SRGAP1: variants seen among roughly 807,000 people sequenced by gnomAD.
SRGAP1 encodes the protein SLIT-ROBO Rho GTPase-activating protein 1.
SRGAP1 carries 43 observed loss-of-function variants against 121.9 expected under a neutral mutation model. The observed-to-expected ratio is 0.35, with a 90% CI of 0.28 to 0.46. SRGAP1 has a LOEUF of 0.46. Ranked by LOEUF, SRGAP1 falls within the 20% of genes least tolerant of loss-of-function variation. The pLI is 1.00. For missense variants in SRGAP1, 1,102 were observed against 1,350.9 expected (o/e 0.82, Z 2.89); for synonymous variants, 447 against 485.4 (o/e 0.92, Z 1.04).
chr12:63,994,998 A>G (rs2033655390), intron 3 of SRGAP1, among the ~76,000 whole-genome samples: 1 of 152,248 alleles, frequency 6.6e-6, no homozygotes, highest in African/African-American at 2.4e-5. Context: ...AGCTTGCAAT[A>G]ATCACTTTAT....
chr12:64,043,573 G>C lies in SRGAP1; in HGVS notation c.799G>C (p.Asp267His). Residue 267 changes from aspartate (D) to histidine (H), a missense_variant and splice_region_variant, in exon 6 of 22, where the codon GAT (aspartate) becomes CAT (histidine). By Grantham distance (81) the Asp-to-His change is moderately conservative (BLOSUM62 -1). This residue lies in a region of SRGAP1 where 747 missense variants were observed against 929.4 expected (regional missense o/e 0.80). Transcript: ENST00000355086. ...YYIHDLSDLI[D>H]CCDLGYHASL... The stretch of plus-strand genomic sequence containing the variant: ...TATTCATGATCTTTCTGATTTAATT[G>C]ATGTGAGTACTTGAAGTTTTTGTCT... 6.3e-7 allele frequency: 1 copy of C among 1,597,412 alleles called. No individual in the cohort carries two copies. The highest frequency in any genetic ancestry group is 8.5e-7 in the Non-Finnish European group (1 of 1,173,784).
intron 6 of SRGAP1, among the ~76,000 whole-genome samples, chr12:64,059,997 T>A (rs1464033887): frequency 6.6e-6 from 1 of 152,018 alleles, no homozygotes. Context: ...CCAAAAGACA[T>A]GGTTGCAGGC....
At chr12:64,058,815 G>GA (rs10716972) in intron 6 of SRGAP1, among the ~76,000 whole-genome samples, 5 of 148,958 alleles carry the variant, frequency 3.4e-5, no homozygotes, top group South Asian at 2.1e-4. Flanking sequence ...TTCTAGTTTA[G>GA]AAAAAAAAAA....
rs1469086329 is a variant in SRGAP1, at chr12:63,983,265, GC to G, written c.68-680del. The G allele has an allele frequency of 3.3e-5, 5 of 152,236 alleles. No homozygotes were observed. The East Asian group carries it at 9.7e-4, about 29-fold the overall frequency. The allele number at this position is 152,236 out of a possible 1,614,324, so 9.4% of individuals were successfully genotyped here. A position where few individuals can be genotyped will look rare whatever the true frequency, so the allele number is the denominator to read the frequency against. On this transcript the variant is annotated intron_variant, in intron 1 of 21. Transcript: ENST00000355086. ...TGGAAGAAATGATGCTTATTTCTTT[GC>G]CATTCAAACTCAAAAGGGATAGCTG...
chr12:64,156,814 A>C lies in SRGAP1; in HGVS notation c.*14142A>C, dbSNP rs1159037142. ...TGCTGCATCACTGCAGTTTAATAGGAGGAGGCTGGTGAAAATGTTACCAAC... is the reference window on the plus strand; with the variant it reads ...TGCTGCATCACTGCAGTTTAATAGGCGGAGGCTGGTGAAAATGTTACCAAC... On this transcript the variant is annotated 3_prime_UTR_variant, in exon 22 of 22. Transcript: ENST00000355086. The C allele has an allele frequency of 6.6e-6, 1 of 152,158 alleles. No homozygotes were observed. The highest frequency in any genetic ancestry group is 2.4e-5 in the African/African-American group (1 of 41,444). The allele number at this position is 152,158 out of a possible 1,614,324, so 9.4% of individuals were successfully genotyped here.
intron 1 of SRGAP1, among the ~76,000 whole-genome samples, chr12:63,867,718 A>G (rs563523670): frequency 1.4e-4 from 22 of 152,248 alleles, no homozygotes; most frequent in African/African-American, 4.8e-4. Context: ...CTATCATAAT[A>G]TTATTTACTA....
In SRGAP1 at chr12:64,042,918, G is replaced by C; in HGVS notation, c.618G>C (p.Glu206Asp). The C allele has an allele frequency of 1.2e-6, 2 of 1,613,914 alleles. No homozygotes were observed. Among genetic ancestry groups the C allele is most frequent in the Non-Finnish European group, 1.7e-6 (2 of 1,179,906 alleles). Reference sequence around the variant, plus strand: ...ATCCAGTCTTCCATATTCGACTAGAGGAGAGACATCAACGGCGAAGCTCTG... The same window carrying C: ...ATCCAGTCTTCCATATTCGACTAGACGAGAGACATCAACGGCGAAGCTCTG... ...SGDPVFHIRL[E>D]ERHQRRSSVK... Residue 206 changes from glutamate (E) to aspartate (D), a missense_variant, in exon 5 of 22, where the codon GAG becomes GAC. By Grantham distance (45) the Glu-to-Asp change is conservative. Transcript: ENST00000355086.
chr12:63,962,733 A>G (rs894155343), intron 1 of SRGAP1, among the ~76,000 whole-genome samples: 1 of 152,074 alleles, frequency 6.6e-6, no homozygotes, highest in Admixed American at 6.6e-5. Context: ...TCTAATTCTC[A>G]TTATACCCTT....
chr12:63,934,790 C>G (rs1470838951), intron 1 of SRGAP1, among the ~76,000 whole-genome samples: 2 of 152,170 alleles, frequency 1.3e-5, no homozygotes. Flanking sequence ...GCCCTTTCCT[C>G]TGGACTTTCA....
intron 15 of SRGAP1, among the ~76,000 whole-genome samples, chr12:64,101,309 GT>G (rs1231186725): frequency 2.2e-4 from 6 of 27,594 alleles, no homozygotes; most frequent in African/African-American, 1.0e-3. Flanking sequence ...GGGGAAAGGG[GT>G]GTGTGTGTGT....
At chr12:64,026,231 TTACTAC>T (rs759866367) in intron 4 of SRGAP1, among the ~76,000 whole-genome samples, 13 of 152,198 alleles carry the variant, frequency 8.5e-5, no homozygotes, top group Non-Finnish European at 1.8e-4. Context: ...TTTGTCCAAA[TTACTAC>T]ATTCTGAAAT....
chr12:63,924,499 G>A (rs2031185158), intron 1 of SRGAP1, among the ~76,000 whole-genome samples: 1 of 152,132 alleles, frequency 6.6e-6, no homozygotes, highest in African/African-American at 2.4e-5. Context: ...GTTTTTTGGA[G>A]GAGCATAAGG....
At chr12:64,061,443 G>C (rs2035448558) in intron 6 of SRGAP1, among the ~76,000 whole-genome samples, 1 of 152,098 alleles carries the variant, frequency 6.6e-6, no homozygotes, top group Non-Finnish European at 1.5e-5. Flanking sequence ...ATAAATGATT[G>C]TATCAGTATC....
At chr12:64,008,969 A>G (rs987748940) in intron 3 of SRGAP1, among the ~76,000 whole-genome samples, 1 of 152,090 alleles carries the variant, frequency 6.6e-6, no homozygotes, top group African/African-American at 2.4e-5. Context: ...TGTAGATGTG[A>G]GCTTTTGGTC....
At chr12:64,064,282 C>G (rs189701536) in intron 7 of SRGAP1, among the ~76,000 whole-genome samples, 2 of 152,090 alleles carry the variant, frequency 1.3e-5, no homozygotes, top group Non-Finnish European at 2.9e-5. Flanking sequence ...ATAAAAGGAA[C>G]CCCCATGAGC....
chr12:64,110,341 A>T (rs961630444), intron 16 of SRGAP1, among the ~76,000 whole-genome samples: 2 of 152,110 alleles, frequency 1.3e-5, no homozygotes, highest in Admixed American at 1.3e-4. Flanking sequence ...AGTTCTCAAA[A>T]CCTGAACCTA....
intron 18 of SRGAP1, among the ~76,000 whole-genome samples, chr12:64,122,640 G>A (rs1035110880): frequency 7.2e-5 from 11 of 152,156 alleles, no homozygotes; most frequent in East Asian, 1.9e-4. Context: ...TGGCTTACAC[G>A]TGTAATCTCA....
intron 1 of SRGAP1, among the ~76,000 whole-genome samples, chr12:63,890,954 A>T (rs919973467): frequency 3.9e-5 from 6 of 152,184 alleles, no homozygotes; most frequent in African/African-American, 1.4e-4. Flanking sequence ...AGCCTTTTCT[A>T]AAGGAAGCTC....
intron 8 of SRGAP1, among the ~76,000 whole-genome samples, chr12:64,070,421 T>A (rs917365005): frequency 4.6e-5 from 7 of 152,220 alleles, no homozygotes; most frequent in Non-Finnish European, 1.0e-4. Context: ...TTTGTCCCAA[T>A]ATTTGGTCCA....
Sources: allele counts gnomAD v4.1 joint callset (sites outside exome capture counted in the v4.1 genomes callset), GRCh38; gene constraint gnomAD v4.1.1; regional missense constraint gnomAD v4.1.1; transcripts MANE v1.5; gene names NCBI Gene and HGNC (gene_info 2026-07-23, HGNC 2026-07-21).